Variants in RGS6 observed in about 807,000 individuals in gnomAD.
RGS6 encodes regulator of G-protein signaling 6.
RGS6 carries 30 observed loss-of-function variants against 78.5 expected under a neutral mutation model. That is an observed-to-expected ratio of 0.38 (90% confidence interval 0.29 to 0.52). The LOEUF (loss-of-function observed/expected upper bound fraction) is 0.52, where lower values mean the gene tolerates loss of function less well. Among genes scored for constraint, RGS6 ranks in the 20% least tolerant of loss-of-function variants. RGS6 has a pLI of 0.85. For missense variants in RGS6, 495 were observed against 609.7 expected (o/e 0.81, Z 1.98); for synonymous variants, 206 against 206.0 (o/e 1.00, Z 0.00).
At chr14:71,913,477 G>T in the RGS6 span, among the ~76,000 whole-genome samples, 1 of 152,212 alleles carries the variant, frequency 6.6e-6, no homozygotes, top group Admixed American at 6.5e-5. Context: ...AGGAAAGTGG[G>T]CTGGGGATTT....
At chr14:72,221,378 A>G (rs1312863596) in intron 2 of RGS6, among the ~76,000 whole-genome samples, 1 of 152,112 alleles carries the variant, frequency 6.6e-6, no homozygotes, top group Non-Finnish European at 1.5e-5. Flanking sequence ...CGTGGGACCT[A>G]GTCAATGAGA....
intron 5 of RGS6, among the ~76,000 whole-genome samples, chr14:72,459,160 G>A (rs1348485894): frequency 1.2e-4 from 18 of 151,978 alleles, no homozygotes; most frequent in Admixed American, 1.0e-3. Context: ...TTCTATTTGC[G>A]ACCTAATCAC....
intron 13 of RGS6, among the ~76,000 whole-genome samples, chr14:72,500,224 C>G (rs1196457273): frequency 6.6e-6 from 1 of 152,238 alleles, no homozygotes. Context: ...GTTGTTCTAG[C>G]TTCGACTCTG....
intron 2 of RGS6, among the ~76,000 whole-genome samples, chr14:72,148,129 TAAAAAAAAAA>T (rs35367140): frequency 3.0e-5 from 2 of 67,566 alleles, no homozygotes; most frequent in Non-Finnish European, 5.3e-5. Flanking sequence ...AGACTCCATC[TAAAAAAAAAA>T]AAAAAAAAAA....
intron 2 of RGS6, among the ~76,000 whole-genome samples, chr14:72,333,473 A>G (rs1318649552): frequency 6.6e-6 from 1 of 152,138 alleles, no homozygotes; most frequent in Non-Finnish European, 1.5e-5. Flanking sequence ...TGCTTTTGCA[A>G]ATGCTCAGAA....
At chr14:72,073,607 G>A (rs1180350496) in intron 2 of RGS6, among the ~76,000 whole-genome samples, 2 of 152,172 alleles carry the variant, frequency 1.3e-5, no homozygotes, top group African/African-American at 4.8e-5. Context: ...GGACCACTTA[G>A]ACATGCCAGT....
At position 72,056,107 on chromosome 14, in the gene RGS6, G is replaced by A. The variant is rs912002326; in HGVS notation, c.84+91232G>A. ...TGTGTTCTAACAAAGTGATTATGAT[G>A]TAGGTGGTTCTAGAATCACCTTTGG... On this transcript the variant is annotated intron_variant, in intron 2 of 17. Transcript: ENST00000553525. 2.0e-5 allele frequency among the ~76,000 whole-genome samples: 3 copies of A among 152,242 alleles called. No individual in the cohort carries two copies. In the South Asian group the frequency reaches 6.2e-4, roughly 32 times the overall value.
chr14:71,921,086 A>G, the RGS6 span, among the ~76,000 whole-genome samples: 26 of 152,242 alleles, frequency 1.7e-4, no homozygotes, highest in African/African-American at 5.5e-4. Flanking sequence ...AAAATAGCCA[A>G]CTGGTATATG....
At chr14:72,102,216 G>A (rs2095542822) in intron 2 of RGS6, among the ~76,000 whole-genome samples, 1 of 152,192 alleles carries the variant, frequency 6.6e-6, no homozygotes, top group African/African-American at 2.4e-5. Flanking sequence ...GTCCCCTTAG[G>A]AAGTTGAAAA....
At chr14:72,448,367 CTG>C (rs1845135353) in intron 3 of RGS6, among the ~76,000 whole-genome samples, 2 of 152,220 alleles carry the variant, frequency 1.3e-5, no homozygotes, top group Admixed American at 1.3e-4. Flanking sequence ...CTTTTCATCA[CTG>C]TGTTTCTCCA....
chr14:72,299,521 G>T (rs748963868), intron 2 of RGS6, among the ~76,000 whole-genome samples: 1 of 152,182 alleles, frequency 6.6e-6, no homozygotes, highest in Non-Finnish European at 1.5e-5. Flanking sequence ...GGATCATAAC[G>T]TAACTCTATA....
chr14:72,551,223 G>A (rs142708623), intron 17 of RGS6, among the ~76,000 whole-genome samples: 4 of 152,182 alleles, frequency 2.6e-5, no homozygotes, highest in Admixed American at 6.5e-5. Flanking sequence ...TGTGAGCCCC[G>A]TGACCCACCC....
At chr14:72,014,590 T>A (rs917889479) in intron 2 of RGS6, among the ~76,000 whole-genome samples, 3 of 152,230 alleles carry the variant, frequency 2.0e-5, no homozygotes, top group Non-Finnish European at 2.9e-5. Context: ...TTTAATAATG[T>A]CATGAGACTT....
At chr14:72,163,963 G>A (rs2153666652) in intron 2 of RGS6, among the ~76,000 whole-genome samples, 1 of 152,026 alleles carries the variant, frequency 6.6e-6, no homozygotes, top group Admixed American at 6.6e-5. Context: ...TTCTGTTCAA[G>A]TATGAATCTT....
intron 3 of RGS6, among the ~76,000 whole-genome samples, chr14:72,386,568 T>C (rs1216453812): frequency 6.6e-6 from 1 of 151,996 alleles, no homozygotes; most frequent in Admixed American, 6.6e-5. Context: ...TGGAGGATTT[T>C]CCCAGAGCAT....
chr14:72,373,376 A>G (rs1242372004), intron 3 of RGS6, among the ~76,000 whole-genome samples: 1 of 152,192 alleles, frequency 6.6e-6, no homozygotes, highest in Non-Finnish European at 1.5e-5. Context: ...CTGGTCACAC[A>G]GCCATAACAA....
Position 71,987,110 on chromosome 14 carries a change from C to T in RGS6, c.84+22235C>T, listed in dbSNP as rs989078168. Among the ~76,000 whole-genome samples, 8 of 152,014 alleles carry T rather than the reference C, an allele frequency of 5.3e-5. 1 individual carries two copies. The South Asian group carries it at 6.2e-4, about 12-fold the overall frequency. On this transcript the variant is annotated intron_variant, in intron 2 of 17. Transcript: ENST00000553525. ...TAGGGTGTGGACATCTTTGGAGGGCCGTTATTCTACTTATCACACTGTCTT... is the reference window on the plus strand; with the variant it reads ...TAGGGTGTGGACATCTTTGGAGGGCTGTTATTCTACTTATCACACTGTCTT...
At chr14:72,113,229 T>A (rs1446882034) in intron 2 of RGS6, among the ~76,000 whole-genome samples, 1 of 152,224 alleles carries the variant, frequency 6.6e-6, no homozygotes, top group Non-Finnish European at 1.5e-5. Context: ...GTGTACCTTG[T>A]ACGTTTACAC....
chr14:72,019,031 A>G (rs11158929), intron 2 of RGS6, among the ~76,000 whole-genome samples: 1 of 152,126 alleles, frequency 6.6e-6, no homozygotes, highest in East Asian at 1.9e-4. Flanking sequence ...GATAAAACCC[A>G]AATAAAACAA....
Sources: gnomAD v4.1 joint callset for allele counts (sites outside exome capture counted in the v4.1 genomes callset) on GRCh38, gnomAD v4.1.1 for gene constraint, MANE v1.5 for transcripts, NCBI Gene and HGNC (gene_info 2026-07-23, HGNC 2026-07-21) for gene names.